The following PCDH15 variants were observed in gnomAD, a reference collection of about 807,000 sequenced individuals.
The protein encoded by PCDH15 is protocadherin-15.
A neutral mutation model predicts 178.5 loss-of-function variants in PCDH15; 129 were observed. The ratio of observed to expected loss-of-function variants is 0.72; its 90% confidence interval spans 0.63 to 0.84. The LOEUF is 0.84. Ranked by LOEUF, PCDH15 falls within the 40% of genes least tolerant of loss-of-function variation. The probability of loss-of-function intolerance (pLI) is 0.00; values close to 1 mark genes in which losing one functional copy is unlikely to be tolerated. For missense variants in PCDH15, 2,230 were observed against 2,099.9 expected (o/e 1.06, Z -1.21); for synonymous variants, 800 against 732.0 (o/e 1.09, Z -1.50).
chr10:54,723,839 A>G (rs1942053714), intron 1 of PCDH15, among the ~76,000 whole-genome samples: 1 of 151,886 alleles, frequency 6.6e-6, no homozygotes, highest in African/African-American at 2.4e-5. Flanking sequence ...TCACAATGAG[A>G]TATAATCTCA....
At chr10:55,172,574 AGG>A (rs1839366920) in intron 1 of PCDH15, among the ~76,000 whole-genome samples, 1 of 152,040 alleles carries the variant, frequency 6.6e-6, no homozygotes, top group Admixed American at 6.6e-5. Flanking sequence ...GAAATTTAAA[AGG>A]CCTTCTAATA....
chr10:54,439,772 A>G (rs890437131), intron 3 of PCDH15, among the ~76,000 whole-genome samples: 1 of 152,044 alleles, frequency 6.6e-6, no homozygotes, highest in African/African-American at 2.4e-5. Context: ...TAGATTTTTT[A>G]TAAAATTAAT....
intron 2 of PCDH15, among the ~76,000 whole-genome samples, chr10:55,579,474 A>G (rs1842563116): frequency 1.3e-5 from 2 of 152,286 alleles, no homozygotes; most frequent in African/African-American, 2.4e-5. Flanking sequence ...TCATCTCTGT[A>G]ACTGTCCTTA....
At position 53,811,530 on chromosome 10, in the gene PCDH15, T is replaced by A. The variant is rs945223640; in HGVS notation, c.4562+19A>T. 7 of 1,417,956 alleles carry A rather than the reference T, an allele frequency of 4.9e-6. No individual in the cohort carries two copies. Among genetic ancestry groups the A allele is most frequent in the Non-Finnish European group, 6.6e-6 (7 of 1,057,078 alleles). The allele number at this position is 1,417,956 out of a possible 1,614,324, so 87.8% of individuals were successfully genotyped here. ...AATATTAAAATAAGAATCTGAATTT[T>A]AAAAATCTGAAGATGTACCCATGCT... On this transcript the variant is annotated intron_variant, in intron 36 of 37. Coordinates refer to ENST00000644397, the MANE Select transcript of PCDH15 (RefSeq NM_001384140.1).
chr10:54,247,881 A>AAATAT lies in PCDH15; in HGVS notation c.877-10951_877-10950insATATT, dbSNP rs1260841226. Among the ~76,000 whole-genome samples the AAATAT allele has an allele frequency of 4.7e-4, 70 of 148,544 alleles. 2 individuals carry two copies. The highest frequency in any genetic ancestry group is 1.6e-3 in the African/African-American group (63 of 40,374). ...AGACTCTTTCTCAAAAAAAAAAAGA[A>AAATAT]ATATGTATATATATATATCTACATT... On this transcript the variant is annotated intron_variant, in intron 8 of 37. Transcript: ENST00000644397.
intron 2 of PCDH15, among the ~76,000 whole-genome samples, chr10:55,008,743 C>G (rs1290333481): frequency 6.6e-6 from 1 of 152,064 alleles, no homozygotes; most frequent in Non-Finnish European, 1.5e-5. Flanking sequence ...GAAGAACTAC[C>G]TTTCATATAT....
At chr10:55,224,322 A>G (rs1358560754) in intron 1 of PCDH15, among the ~76,000 whole-genome samples, 3 of 152,262 alleles carry the variant, frequency 2.0e-5, no homozygotes, top group East Asian at 3.9e-4. Flanking sequence ...TTCCCTCAAA[A>G]GGTGACATCT....
intron 3 of PCDH15, among the ~76,000 whole-genome samples, chr10:54,847,157 TTGTC>T (rs1308311273): frequency 6.6e-6 from 1 of 152,162 alleles, no homozygotes; most frequent in Non-Finnish European, 1.5e-5. Context: ...TGCATAGACT[TTGTC>T]TGACCTTCAT....
intron 1 of PCDH15, among the ~76,000 whole-genome samples, chr10:55,208,282 C>T (rs1268195541): frequency 1.3e-5 from 2 of 151,918 alleles, no homozygotes; most frequent in South Asian, 2.1e-4. Flanking sequence ...CAAAAGAAAA[C>T]AAAATCAAAA....
At chr10:53,823,851 C>CTGTTCTCCAAATTAAGAGAA (rs1344621227) in intron 32 of PCDH15, 1 of 450,176 alleles carries the variant, frequency 2.2e-6, no homozygotes, top group African/African-American at 2.0e-5. Flanking sequence ...GTGGAATATC[C>CTGTTCTCCAAATTAAGAGAA]TGTTCTCCAA....
chr10:54,511,041 GA>G (rs2081606030), intron 3 of PCDH15, among the ~76,000 whole-genome samples: 1 of 152,148 alleles, frequency 6.6e-6, no homozygotes, highest in African/African-American at 2.4e-5. Context: ...CGTCACCTTG[GA>G]AAGAAGCATG....
intron 2 of PCDH15, among the ~76,000 whole-genome samples, chr10:55,494,168 T>C (rs978837746): frequency 1.3e-5 from 2 of 151,830 alleles, no homozygotes; most frequent in Admixed American, 6.6e-5. Flanking sequence ...CTTCATTTTC[T>C]TGTCAATCTT....
chr10:54,384,833 A>G (rs889600891), intron 3 of PCDH15, among the ~76,000 whole-genome samples: 1 of 152,108 alleles, frequency 6.6e-6, no homozygotes, highest in African/African-American at 2.4e-5. Flanking sequence ...ATTTACACAT[A>G]TTTAATATTA....
intron 2 of PCDH15, among the ~76,000 whole-genome samples, chr10:55,600,677 T>C (rs553527420): frequency 6.6e-6 from 1 of 152,210 alleles, no homozygotes; most frequent in South Asian, 2.1e-4. Context: ...TCTATCTATT[T>C]AGCATTTTTC....
intron 15 of PCDH15, among the ~76,000 whole-genome samples, chr10:54,107,502 G>T (rs2094937235): frequency 1.3e-5 from 2 of 152,182 alleles, no homozygotes; most frequent in Non-Finnish European, 2.9e-5. Context: ...AAGTATTAGA[G>T]CCTTAGTCAA....
chr10:54,087,826 G>T (rs2094539035), intron 16 of PCDH15, among the ~76,000 whole-genome samples: 1 of 152,116 alleles, frequency 6.6e-6, no homozygotes, highest in Admixed American at 6.6e-5. Context: ...GGCTCATGGG[G>T]GCAGTTTCTC....
At chr10:54,718,774 C>T (rs2095511363) in intron 1 of PCDH15, among the ~76,000 whole-genome samples, 1 of 150,286 alleles carries the variant, frequency 6.7e-6, no homozygotes, top group Non-Finnish European at 1.5e-5. Flanking sequence ...TCACTGCAAC[C>T]TCCACCTCCT....
intron 5 of PCDH15, among the ~76,000 whole-genome samples, chr10:54,354,843 T>A (rs577524443): frequency 2.8e-4 from 42 of 152,198 alleles, no homozygotes; most frequent in Non-Finnish European, 5.7e-4. Context: ...TAAAAACAGA[T>A]GTTCAAAATA....
chr10:54,028,498 T>C (rs1293104120), intron 18 of PCDH15, among the ~76,000 whole-genome samples: 4 of 152,022 alleles, frequency 2.6e-5, no homozygotes, highest in East Asian at 1.9e-4. Context: ...CATATGTTTA[T>C]TGTGGCATTA....
Sources: allele counts gnomAD v4.1 joint callset (sites outside exome capture counted in the v4.1 genomes callset), GRCh38; gene constraint gnomAD v4.1.1; transcripts MANE v1.5; gene names NCBI Gene and HGNC (gene_info 2026-07-23, HGNC 2026-07-21).